Variants in ACSL3 observed in about 807,000 individuals in gnomAD.
ACSL3 encodes acyl-CoA synthetase long chain family member 3.
ACSL3 carries 34 observed loss-of-function variants against 84.7 expected under a neutral mutation model. That is an observed-to-expected ratio of 0.40 (90% CI 0.31 to 0.53). ACSL3 has a LOEUF of 0.53. ACSL3 is among the 20% of genes least tolerant of loss of function. The pLI is 0.48. For missense variants in ACSL3, 680 were observed against 873.1 expected (o/e 0.78, Z 2.79); for synonymous variants, 315 against 299.4 (o/e 1.05, Z -0.54).
At position 222,861,248 on chromosome 2, in the gene ACSL3, C is replaced by G. The variant is rs62187221; in HGVS notation, c.-217C>G. 2.6e-5 allele frequency: 4 copies of G among 152,114 alleles called. No homozygotes were observed. The highest frequency in any genetic ancestry group is 2.1e-4 in the South Asian group (1 of 4,834). 9.4% of individuals were successfully genotyped at this position (152,114 alleles called of 1,614,324 possible). On this transcript the variant is annotated 5_prime_UTR_variant, in exon 1 of 17. Transcript: ENST00000357430. The stretch of plus-strand genomic sequence containing the variant: ...GCCCGAGGCCGGAGGAACCCGGACT[C>G]CGGCGTAGCGGTGAGTGCGGCGCCG...
intron 16 of ACSL3, among the ~76,000 whole-genome samples, chr2:222,940,767 C>T (rs373716078): frequency 1.6e-4 from 25 of 152,154 alleles, no homozygotes; most frequent in Admixed American, 3.9e-4. Flanking sequence ...CATCGACATT[C>T]GTGTAAGATA....
At chr2:222,933,319 T>C in intron 15 of ACSL3, 39 bp downstream of exon 15, 1 of 1,442,624 alleles carries the variant, frequency 6.9e-7, no homozygotes, top group South Asian at 1.2e-5. Flanking sequence ...ACTTAAAATA[T>C]TTGATGTCCA....
chr2:222,873,545 A>G (rs1695360998), intron 1 of ACSL3, among the ~76,000 whole-genome samples: 2 of 152,192 alleles, frequency 1.3e-5, no homozygotes, highest in South Asian at 2.1e-4. Context: ...AGTTTGGAAA[A>G]TACGTAAAAG....
At chr2:222,873,045 G>A (rs1191555063) in intron 1 of ACSL3, among the ~76,000 whole-genome samples, 1 of 152,174 alleles carries the variant, frequency 6.6e-6, no homozygotes, top group African/African-American at 2.4e-5. Flanking sequence ...AGGCTTGACT[G>A]TGCCAACTAG....
chr2:222,900,319 C>T (rs1025947604), intron 2 of ACSL3, among the ~76,000 whole-genome samples: 1 of 152,120 alleles, frequency 6.6e-6, no homozygotes, highest in African/African-American at 2.4e-5. Context: ...GGTACTTTCT[C>T]CTTCTCGGCC....
At chr2:222,922,952 C>T in intron 9 of ACSL3, 121 bp downstream of exon 9, 2 of 1,403,860 alleles carry the variant, frequency 1.4e-6, no homozygotes, top group Non-Finnish European at 2.0e-6. Flanking sequence ...GAGCTTTAGC[C>T]TTTTAAGTGC....
intron 1 of ACSL3, among the ~76,000 whole-genome samples, chr2:222,865,012 C>G (rs1695101777): frequency 6.6e-6 from 1 of 152,178 alleles, no homozygotes; most frequent in Non-Finnish European, 1.5e-5. Context: ...AAATGTGGCT[C>G]AGTCTTAATT....
At chr2:222,905,300 A>G (rs551311071) in intron 3 of ACSL3, among the ~76,000 whole-genome samples, 13 of 152,126 alleles carry the variant, frequency 8.5e-5, no homozygotes, top group South Asian at 4.1e-4. Context: ...AGCAGGGACT[A>G]CAAGTGTGCA....
chr2:222,925,124 G>C (rs1696846228), intron 11 of ACSL3, among the ~76,000 whole-genome samples: 3 of 151,980 alleles, frequency 2.0e-5, no homozygotes, highest in African/African-American at 7.3e-5. Flanking sequence ...ATCACCTGAG[G>C]TCAGGAATTC....
intron 11 of ACSL3, among the ~76,000 whole-genome samples, chr2:222,925,126 C>G (rs1266027829): frequency 6.6e-6 from 1 of 151,876 alleles, no homozygotes; most frequent in African/African-American, 2.4e-5. Context: ...CACCTGAGGT[C>G]AGGAATTCAA....
intron 2 of ACSL3, among the ~76,000 whole-genome samples, chr2:222,888,738 A>G (rs1574528711): frequency 6.6e-6 from 1 of 152,248 alleles, no homozygotes; most frequent in South Asian, 2.1e-4. Context: ...GCTAGGGATT[A>G]TCCCTTATTT....
chr2:222,878,175 A>G (rs1242335603), intron 1 of ACSL3, among the ~76,000 whole-genome samples: 1 of 152,228 alleles, frequency 6.6e-6, no homozygotes, highest in Non-Finnish European at 1.5e-5. Context: ...CATTTATTAA[A>G]TTGAGTTGAA....
intron 1 of ACSL3, among the ~76,000 whole-genome samples, chr2:222,867,427 G>A (rs534425985): frequency 4.6e-5 from 7 of 152,238 alleles, no homozygotes; most frequent in Admixed American, 4.6e-4. Context: ...ATGTATTTCT[G>A]TACAGCTTTA....
chr2:222,889,996 A>G (rs944381524), intron 2 of ACSL3, among the ~76,000 whole-genome samples: 7 of 152,258 alleles, frequency 4.6e-5, no homozygotes, highest in Admixed American at 3.3e-4. Context: ...ATTTAAAGAT[A>G]AAAAAGCAAG....
intron 4 of ACSL3, 116 bp from the exon 5 acceptor site, chr2:222,916,202 AG>A (rs1191799750): frequency 1.4e-5 from 9 of 638,436 alleles, no homozygotes; most frequent in South Asian, 6.3e-5. Context: ...TTTATTAAAA[AG>A]ATAATTCTAT....
intron 1 of ACSL3, chr2:222,861,767 T>G (rs1211497844): frequency 6.6e-6 from 1 of 152,328 alleles, no homozygotes; most frequent in Non-Finnish European, 1.5e-5. Flanking sequence ...TCGACCTTGG[T>G]GATTGGTTCT....
chr2:222,873,408 A>G (rs1252352038), intron 1 of ACSL3, among the ~76,000 whole-genome samples: 1 of 152,234 alleles, frequency 6.6e-6, no homozygotes, highest in African/African-American at 2.4e-5. Flanking sequence ...TTTCTTGTTT[A>G]AAAGATCATA....
chr2:222,892,480 ACT>A (rs148440996), intron 2 of ACSL3, among the ~76,000 whole-genome samples: 46,756 of 151,682 alleles, frequency 0.31, 7,414 homozygotes, highest in Admixed American at 0.4. Context: ...TTCCATTATA[ACT>A]CTGAGAGATT....
intron 1 of ACSL3, among the ~76,000 whole-genome samples, chr2:222,875,657 G>A (rs895295918): frequency 1.9e-4 from 29 of 152,114 alleles, no homozygotes; most frequent in African/African-American, 6.3e-4. Context: ...ATTGCATGAC[G>A]TTATAGCGCA....
Sources: allele counts gnomAD v4.1 joint callset (sites outside exome capture counted in the v4.1 genomes callset), GRCh38; gene constraint gnomAD v4.1.1; transcripts MANE v1.5; gene names NCBI Gene and HGNC (gene_info 2026-07-23, HGNC 2026-07-21).